The following CA10 variants were observed in gnomAD, a reference collection of about 807,000 sequenced individuals.
CA10 encodes carbonic anhydrase-related protein 10.
CA10 carries 14 observed loss-of-function variants against 44.2 expected under a neutral mutation model. The observed-to-expected ratio is 0.32, with a 90% CI of 0.21 to 0.50. CA10 has a LOEUF of 0.50. CA10 is among the 20% of genes least tolerant of loss of function. The pLI, the probability that CA10 is intolerant of heterozygous loss-of-function variation, is 0.99. For missense variants in CA10, 350 were observed against 409.7 expected (o/e 0.85, Z 1.26); for synonymous variants, 159 against 141.6 (o/e 1.12, Z -0.87).
chr17:52,032,333 C>A (rs909710028), intron 2 of CA10, among the ~76,000 whole-genome samples: 1 of 152,084 alleles, frequency 6.6e-6, no homozygotes, highest in African/African-American at 2.4e-5. Context: ...CCTTGAAGAG[C>A]AATTCCTTTT....
chr17:52,056,752 ACCAC>A (rs1987240733), intron 2 of CA10, among the ~76,000 whole-genome samples: 2 of 152,042 alleles, frequency 1.3e-5, no homozygotes, highest in Admixed American at 1.3e-4. Context: ...TTATCATACA[ACCAC>A]CCAGTGAGCA....
At chr17:51,906,216 T>C (rs1334203240) in intron 3 of CA10, among the ~76,000 whole-genome samples, 2 of 152,160 alleles carry the variant, frequency 1.3e-5, no homozygotes, top group Non-Finnish European at 2.9e-5. Context: ...AATTTTTAAA[T>C]AGTTTTTTAT....
chr17:52,033,951 G>A (rs753489744), intron 2 of CA10, among the ~76,000 whole-genome samples: 6 of 152,104 alleles, frequency 3.9e-5, no homozygotes, highest in East Asian at 1.9e-4. Context: ...CAAATATTGC[G>A]TGATATCACT....
At chr17:51,685,678 CTG>C (rs1229240012) in intron 4 of CA10, among the ~76,000 whole-genome samples, 2 of 152,098 alleles carry the variant, frequency 1.3e-5, no homozygotes, top group African/African-American at 4.8e-5. Flanking sequence ...GGAGGAACAG[CTG>C]CTAAATGAAT....
chr17:51,905,088 A>T (rs960981672), intron 3 of CA10, among the ~76,000 whole-genome samples: 2 of 152,180 alleles, frequency 1.3e-5, no homozygotes, highest in Admixed American at 6.5e-5. Context: ...CAAAGGTGTA[A>T]GTAAATTCTC....
At chr17:51,837,553 G>A (rs1908530221) in intron 3 of CA10, among the ~76,000 whole-genome samples, 1 of 152,166 alleles carries the variant, frequency 6.6e-6, no homozygotes, top group African/African-American at 2.4e-5. Context: ...GTACAAGTCA[G>A]GATTGGAAAC....
At chr17:51,834,821 T>C (rs548996737) in intron 3 of CA10, among the ~76,000 whole-genome samples, 2 of 152,314 alleles carry the variant, frequency 1.3e-5, no homozygotes, top group African/African-American at 4.8e-5. Context: ...GAATTAAAGA[T>C]ACTCATTAGT....
chr17:52,014,060 C>A (rs960884367), intron 2 of CA10, among the ~76,000 whole-genome samples: 8 of 151,480 alleles, frequency 5.3e-5, no homozygotes, highest in Non-Finnish European at 1.2e-4. Context: ...ACCAAATATA[C>A]CAGTAATCAG....
intron 4 of CA10, among the ~76,000 whole-genome samples, chr17:51,659,170 CA>C (rs1262260583): frequency 6.6e-6 from 1 of 152,140 alleles, no homozygotes; most frequent in African/African-American, 2.4e-5. Context: ...CGAGGGTGGG[CA>C]ACATCCAATC....
intron 4 of CA10, among the ~76,000 whole-genome samples, chr17:51,655,294 C>A (rs1205237260): frequency 6.6e-6 from 1 of 152,134 alleles, no homozygotes; most frequent in Non-Finnish European, 1.5e-5. Context: ...TCACAGCAAG[C>A]ACATCATATA....
intron 2 of CA10, among the ~76,000 whole-genome samples, chr17:51,964,057 G>A (rs1983990421): frequency 6.6e-6 from 1 of 151,966 alleles, no homozygotes; most frequent in East Asian, 1.9e-4. Flanking sequence ...TTAAAGTAAA[G>A]GGCTGGAGAA....
At chr17:51,842,793 A>G (rs944973540) in intron 3 of CA10, among the ~76,000 whole-genome samples, 1 of 152,128 alleles carries the variant, frequency 6.6e-6, no homozygotes, top group Non-Finnish European at 1.5e-5. Context: ...ATGGTATGGA[A>G]CAACACAACC....
intron 4 of CA10, among the ~76,000 whole-genome samples, chr17:51,698,033 T>C (rs1236326480): frequency 6.6e-6 from 1 of 152,206 alleles, no homozygotes; most frequent in Non-Finnish European, 1.5e-5. Flanking sequence ...GGTGGCATCA[T>C]GTACTTGAAG....
At chr17:51,683,695 G>T (rs1202111742) in intron 4 of CA10, among the ~76,000 whole-genome samples, 1 of 152,182 alleles carries the variant, frequency 6.6e-6, no homozygotes, top group Non-Finnish European at 1.5e-5. Flanking sequence ...AAGGATGAAA[G>T]GTGCTCTCTG....
chr17:51,850,832 A>G (rs899167023), intron 3 of CA10, among the ~76,000 whole-genome samples: 1 of 152,212 alleles, frequency 6.6e-6, no homozygotes, highest in Non-Finnish European at 1.5e-5. Flanking sequence ...TTCTTCCCAT[A>G]GAATCTTTGC....
intron 4 of CA10, among the ~76,000 whole-genome samples, chr17:51,654,568 T>G (rs112719721): frequency 1.3e-5 from 2 of 152,092 alleles, no homozygotes; most frequent in South Asian, 2.1e-4. Flanking sequence ...ATTTTTTTTT[T>G]TTTTTTAAGT....
At chr17:51,647,840 C>T (rs754546316) in intron 6 of CA10, among the ~76,000 whole-genome samples, 12 of 152,156 alleles carry the variant, frequency 7.9e-5, no homozygotes, top group Admixed American at 2.0e-4. Flanking sequence ...TTAGAGAGGA[C>T]TCCATAAGAA....
At chr17:51,932,938 T>C (rs1040040526) in intron 2 of CA10, among the ~76,000 whole-genome samples, 31 of 152,148 alleles carry the variant, frequency 2.0e-4, no homozygotes, top group Admixed American at 6.6e-5. Context: ...TGATCTTATA[T>C]TTATTTATCC....
At chr17:51,877,116 A>G (rs73989436) in intron 3 of CA10, among the ~76,000 whole-genome samples, 3 of 152,080 alleles carry the variant, frequency 2.0e-5, no homozygotes, top group African/African-American at 7.2e-5. Context: ...CATGGTGGAC[A>G]TGTGTAGGAG....
Sources: allele counts gnomAD v4.1 joint callset (sites outside exome capture counted in the v4.1 genomes callset), GRCh38; gene constraint gnomAD v4.1.1; transcripts MANE v1.5; gene names NCBI Gene and HGNC (gene_info 2026-07-23, HGNC 2026-07-21).